DPH6: variants seen among roughly 807,000 people sequenced by gnomAD.
The protein encoded by DPH6 is diphthamine biosynthesis 6.
In DPH6, 33 loss-of-function variants were observed where a neutral mutation model predicts 38.2. That is an observed-to-expected ratio of 0.86 (90% CI 0.65 to 1.15). The LOEUF is 1.15. Among genes scored for constraint, DPH6 ranks in the 50% most tolerant of loss-of-function variants. The pLI, the probability that DPH6 is intolerant of heterozygous loss-of-function variation, is 0.00. For synonymous variants in DPH6, 108 were observed against 103.0 expected, an observed-to-expected ratio of 1.05 and a Z score of -0.30; for missense variants, 325 against 320.0, an observed-to-expected ratio of 1.02 and a Z score of -0.12.
chr15:35,360,240 C>G (rs8036493), intron 3 of DPH6, among the ~76,000 whole-genome samples: 55,241 of 151,970 alleles, frequency 0.36, 11,931 homozygotes, highest in African/African-American at 0.61. Flanking sequence ...CTAGAGCTGT[C>G]TCACATGGAT....
At chr15:35,386,182 A>C (rs1224508795) in intron 6 of DPH6, among the ~76,000 whole-genome samples, 2 of 152,080 alleles carry the variant, frequency 1.3e-5, no homozygotes, top group African/African-American at 4.8e-5. Flanking sequence ...TGAACTCATC[A>C]TTTTTTATGG....
At chr15:35,325,175 T>C (rs1413786829) in intron 3 of DPH6, among the ~76,000 whole-genome samples, 1 of 152,202 alleles carries the variant, frequency 6.6e-6, no homozygotes, top group African/African-American at 2.4e-5. Flanking sequence ...ATATGTTTAA[T>C]ACATTTCTAA....
chr15:35,298,952 C>A, intron 3 of DPH6: 1 of 781,266 alleles, frequency 1.3e-6, no homozygotes, highest in Non-Finnish European at 2.3e-6. Context: ...TACTTGTTTT[C>A]CTCTTCTCTC....
the DPH6 span, among the ~76,000 whole-genome samples, chr15:35,162,285 T>G: frequency 4.8e-4 from 73 of 152,064 alleles, 1 homozygote; most frequent in African/African-American, 1.7e-3. Flanking sequence ...TTTCCCTGCC[T>G]GAAATCGTTC....
At chr15:35,495,245 T>C (rs1018382297) in intron 3 of DPH6, among the ~76,000 whole-genome samples, 3 of 152,134 alleles carry the variant, frequency 2.0e-5, no homozygotes, top group Non-Finnish European at 4.4e-5. Context: ...ATCCAATATG[T>C]CCGGTATCCT....
At chr15:35,367,779 A>G (rs1326898794), downstream of DPH6, among the ~76,000 whole-genome samples, 1 of 151,808 alleles carries the variant, frequency 6.6e-6, no homozygotes, top group African/African-American at 2.4e-5. Flanking sequence ...CTAAATGATA[A>G]ATCAAAATTT....
At chr15:35,224,149 C>T (rs1426922936) in intron 3 of DPH6, among the ~76,000 whole-genome samples, 1 of 146,834 alleles carries the variant, frequency 6.8e-6, no homozygotes, top group East Asian at 2.0e-4. Flanking sequence ...CTCTGTCACC[C>T]AGGCTAGAGT....
chr15:35,424,463 T>G (rs2053544383), intron 5 of DPH6, among the ~76,000 whole-genome samples: 1 of 149,462 alleles, frequency 6.7e-6, no homozygotes, highest in Non-Finnish European at 1.5e-5. Flanking sequence ...TTTTTTTTTT[T>G]GTCAAGTCTT....
intron 5 of DPH6, among the ~76,000 whole-genome samples, chr15:35,428,707 T>C (rs991209333): frequency 1.3e-5 from 2 of 152,116 alleles, no homozygotes; most frequent in African/African-American, 4.8e-5. Context: ...CTTTCAAACA[T>C]TGTGAATTGC....
intron 5 of DPH6, among the ~76,000 whole-genome samples, chr15:35,438,075 A>T (rs1213722697): frequency 6.6e-6 from 1 of 151,610 alleles, no homozygotes; most frequent in East Asian, 1.9e-4. Flanking sequence ...ATGGATTTTC[A>T]TAAACAGCGC....
intron 3 of DPH6, among the ~76,000 whole-genome samples, chr15:35,460,196 T>C (rs1386352712): frequency 6.6e-6 from 1 of 152,114 alleles, no homozygotes; most frequent in East Asian, 1.9e-4. Flanking sequence ...ACACATACAC[T>C]GCCAGTTCTT....
At chr15:35,470,851 T>G (rs942397679) in intron 3 of DPH6, among the ~76,000 whole-genome samples, 3 of 152,184 alleles carry the variant, frequency 2.0e-5, no homozygotes, top group Non-Finnish European at 4.4e-5. Flanking sequence ...AAAGAAAAAC[T>G]TTTTAAAAAC....
At chr15:35,156,913 T>C in the DPH6 span, among the ~76,000 whole-genome samples, 1 of 152,208 alleles carries the variant, frequency 6.6e-6, no homozygotes, top group Non-Finnish European at 1.5e-5. Context: ...GACCTGAATG[T>C]GTAGATTTTC....
the DPH6 span, among the ~76,000 whole-genome samples, chr15:35,173,227 T>A: frequency 6.6e-6 from 1 of 152,192 alleles, no homozygotes; most frequent in African/African-American, 2.4e-5. Flanking sequence ...CATATCTTTT[T>A]CACCTTGGGA....
At chr15:35,164,472 T>TAA in the DPH6 span, among the ~76,000 whole-genome samples, 2 of 148,286 alleles carry the variant, frequency 1.3e-5, no homozygotes, top group African/African-American at 4.9e-5. Flanking sequence ...GCTGCTTTCT[T>TAA]AAAAAAAAAA....
chr15:35,298,413 G>A, intron 3 of DPH6: 2 of 742,858 alleles, frequency 2.7e-6, no homozygotes, highest in Non-Finnish European at 5.0e-6. Flanking sequence ...ATCATCAGGG[G>A]CACCAGAATT....
At chr15:35,339,616 T>A (rs546137340) in intron 3 of DPH6, among the ~76,000 whole-genome samples, 1 of 152,254 alleles carries the variant, frequency 6.6e-6, no homozygotes, top group African/African-American at 2.4e-5. Flanking sequence ...TGAGTCACCA[T>A]GTCCAGCCTA....
chr15:35,182,095 T>C, the DPH6 span, among the ~76,000 whole-genome samples: 1 of 151,998 alleles, frequency 6.6e-6, no homozygotes, highest in African/African-American at 2.4e-5. Flanking sequence ...TCTTTACATT[T>C]GTTTTGGTTG....
the DPH6 span, among the ~76,000 whole-genome samples, chr15:35,193,026 T>C: frequency 1.3e-5 from 2 of 152,224 alleles, no homozygotes; most frequent in South Asian, 2.1e-4. Context: ...ATGAATTATA[T>C]TCAAAGTTCT....
Sources: allele counts gnomAD v4.1 joint callset (sites outside exome capture counted in the v4.1 genomes callset), GRCh38; gene constraint gnomAD v4.1.1; transcripts MANE v1.5; gene names NCBI Gene and HGNC (gene_info 2026-07-23, HGNC 2026-07-21).